Variants in MCTP1 observed in about 807,000 individuals in gnomAD.
MCTP1 encodes multiple C2 and transmembrane domain-containing protein 1.
Under a neutral mutation model 120.6 loss-of-function variants are expected in MCTP1, and 69 were observed. The observed-to-expected ratio is 0.57, with a 90% confidence interval of 0.47 to 0.70. MCTP1 has a LOEUF of 0.70. Ranked by LOEUF, MCTP1 falls within the 30% of genes least tolerant of loss-of-function variation. MCTP1 has a pLI of 0.00. For missense variants in MCTP1, 1,203 were observed against 1,248.8 expected (o/e 0.96, Z 0.55); for synonymous variants, 529 against 493.1 (o/e 1.07, Z -0.96).
At chr5:95,044,514 G>A (rs770853792) in intron 1 of MCTP1, among the ~76,000 whole-genome samples, 1 of 152,132 alleles carries the variant, frequency 6.6e-6, no homozygotes, top group Non-Finnish European at 1.5e-5. Context: ...GGTAGCACCT[G>A]TTCTCTAGGT....
At chr5:94,770,481 G>A (rs890718094) in intron 19 of MCTP1, among the ~76,000 whole-genome samples, 1 of 152,138 alleles carries the variant, frequency 6.6e-6, no homozygotes, top group Non-Finnish European at 1.5e-5. Context: ...TAACCCAAAA[G>A]GAAAGAGTCC....
intron 2 of MCTP1, among the ~76,000 whole-genome samples, chr5:94,972,700 C>T (rs973857990): frequency 2.0e-5 from 3 of 152,106 alleles, no homozygotes; most frequent in Non-Finnish European, 2.9e-5. Flanking sequence ...AGTTTGCATC[C>T]TAAATCATTC....
At chr5:95,165,325 C>A (rs1014737657) in intron 1 of MCTP1, among the ~76,000 whole-genome samples, 1 of 152,158 alleles carries the variant, frequency 6.6e-6, no homozygotes, top group Non-Finnish European at 1.5e-5. Flanking sequence ...GAGAGATAAA[C>A]CACCAAATTT....
At chr5:95,235,988 C>A (rs1319316653) in intron 1 of MCTP1, among the ~76,000 whole-genome samples, 1 of 152,130 alleles carries the variant, frequency 6.6e-6, no homozygotes, top group African/African-American at 2.4e-5. Flanking sequence ...ACTGAAGCAA[C>A]ATTTATGGAA....
intron 1 of MCTP1, among the ~76,000 whole-genome samples, chr5:95,063,222 A>T (rs981194634): frequency 6.6e-6 from 1 of 152,234 alleles, no homozygotes; most frequent in African/African-American, 2.4e-5. Flanking sequence ...AAAAGAAGGC[A>T]TGTTTACATG....
intron 1 of MCTP1, among the ~76,000 whole-genome samples, chr5:95,202,237 G>T (rs76483044): frequency 0.02 from 3,067 of 152,210 alleles, 52 homozygotes; most frequent in African/African-American, 0.036. Flanking sequence ...TTCCCTTTTC[G>T]TGGACATCAG....
intron 2 of MCTP1, among the ~76,000 whole-genome samples, chr5:95,001,671 G>GC (rs1833721102): frequency 6.6e-6 from 1 of 152,182 alleles, no homozygotes; most frequent in Non-Finnish European, 1.5e-5. Context: ...TGAGAGAGAT[G>GC]ATTTAGGGTA....
intron 19 of MCTP1, among the ~76,000 whole-genome samples, chr5:94,754,544 T>C (rs920735274): frequency 1.3e-5 from 2 of 152,218 alleles, no homozygotes; most frequent in Non-Finnish European, 2.9e-5. Context: ...CTTCTTTTTC[T>C]TCTTCTTTTA....
intron 19 of MCTP1, among the ~76,000 whole-genome samples, chr5:94,746,848 C>T (rs1025772473): frequency 5.9e-5 from 9 of 152,152 alleles, no homozygotes; most frequent in Non-Finnish European, 1.2e-4. Flanking sequence ...CCATTCTTAC[C>T]CTGTCACTCA....
chr5:95,039,141 A>G (rs1299537393), intron 1 of MCTP1, among the ~76,000 whole-genome samples: 2 of 152,206 alleles, frequency 1.3e-5, no homozygotes, highest in Non-Finnish European at 2.9e-5. Flanking sequence ...TTAGTATCCT[A>G]TGGTAAAAAT....
chr5:95,127,182 A>G (rs10051510), intron 1 of MCTP1, among the ~76,000 whole-genome samples: 74 of 152,248 alleles, frequency 4.9e-4, no homozygotes, highest in African/African-American at 1.7e-3. Context: ...AGGGTCCGTG[A>G]CCAGAGAAAC....
At chr5:95,136,792 A>C (rs182609709) in intron 1 of MCTP1, among the ~76,000 whole-genome samples, 1 of 152,338 alleles carries the variant, frequency 6.6e-6, no homozygotes, top group Non-Finnish European at 1.5e-5. Flanking sequence ...CCAGAGCACT[A>C]ACAGAGGTCT....
In MCTP1 at chr5:94,705,590, C is replaced by T. The variant is rs1478862113; in HGVS notation, c.*1906G>A. On this transcript the variant is annotated 3_prime_UTR_variant, in exon 23 of 23. Coordinates refer to ENST00000515393, the MANE Select transcript of MCTP1 (RefSeq NM_024717.7). Reference sequence around the variant, plus strand: ...TTTAATACAGTGAATGTGTAGTCAGCATTACCATTGAACTAAACATCTGAA... The same window carrying T: ...TTTAATACAGTGAATGTGTAGTCAGTATTACCATTGAACTAAACATCTGAA... 1 of 150,264 alleles carries T rather than the reference C, an allele frequency of 6.7e-6. No individual in the cohort carries two copies. The highest frequency in any genetic ancestry group is 2.0e-4 in the East Asian group (1 of 5,122). 9.3% of individuals were successfully genotyped at this position (150,264 alleles called of 1,614,324 possible).
At chr5:94,842,307 G>C (rs1011962067) in intron 17 of MCTP1, among the ~76,000 whole-genome samples, 3 of 152,114 alleles carry the variant, frequency 2.0e-5, no homozygotes, top group South Asian at 2.1e-4. Context: ...AGCAAAGAAA[G>C]CTTCTTACTT....
At chr5:95,068,216 T>C (rs1273881109) in intron 1 of MCTP1, among the ~76,000 whole-genome samples, 1 of 152,160 alleles carries the variant, frequency 6.6e-6, no homozygotes, top group Admixed American at 6.5e-5. Flanking sequence ...AAGGGCAAGA[T>C]AATGTCTTGG....
At chr5:94,754,532 ATCTTCTTTT>A (rs1450118613) in intron 19 of MCTP1, among the ~76,000 whole-genome samples, 1 of 152,240 alleles carries the variant, frequency 6.6e-6, no homozygotes, top group Admixed American at 6.5e-5. Context: ...ACTCTTTGAC[ATCTTCTTTT>A]TCTTCTTCTT....
chr5:94,848,813 A>G (rs1358765917), intron 17 of MCTP1, among the ~76,000 whole-genome samples: 1 of 151,934 alleles, frequency 6.6e-6, no homozygotes, highest in African/African-American at 2.4e-5. Flanking sequence ...ATATTTATTT[A>G]TTGCCAATAA....
At chr5:95,015,825 C>T (rs1238265745) in intron 2 of MCTP1, among the ~76,000 whole-genome samples, 4 of 151,928 alleles carry the variant, frequency 2.6e-5, no homozygotes, top group African/African-American at 4.8e-5. Context: ...TAATTATAAA[C>T]AATGCTACAA....
At chr5:95,255,584 G>C (rs910916417) in intron 1 of MCTP1, among the ~76,000 whole-genome samples, 2 of 152,128 alleles carry the variant, frequency 1.3e-5, no homozygotes, top group Non-Finnish European at 2.9e-5. Context: ...GAAGGTTACA[G>C]GTACTGAAGC....
Sources: gnomAD v4.1 joint callset for allele counts (sites outside exome capture counted in the v4.1 genomes callset) on GRCh38, gnomAD v4.1.1 for gene constraint, MANE v1.5 for transcripts, NCBI Gene and HGNC (gene_info 2026-07-23, HGNC 2026-07-21) for gene names.